PRKCH: variants seen among roughly 807,000 people sequenced by gnomAD.
PRKCH encodes protein kinase C eta type.
A neutral mutation model predicts 82.5 loss-of-function variants in PRKCH; 28 were observed. The ratio of observed to expected loss-of-function variants is 0.34; its 90% CI spans 0.25 to 0.47. The LOEUF (loss-of-function observed/expected upper bound fraction) is 0.47, where lower values mean the gene tolerates loss of function less well. Among genes scored for constraint, PRKCH ranks in the 20% least tolerant of loss-of-function variants. The pLI, the probability that PRKCH is intolerant of heterozygous loss-of-function variation, is 1.00. For missense variants in PRKCH, 705 were observed against 881.8 expected (o/e 0.80, Z 2.54); for synonymous variants, 322 against 327.4 (o/e 0.98, Z 0.18).
At chr14:61,234,971 T>G (rs2044775646) in intron 1 of PRKCH, among the ~76,000 whole-genome samples, 1 of 152,350 alleles carries the variant, frequency 6.6e-6, no homozygotes, top group African/African-American at 2.4e-5. Flanking sequence ...TGGAGGAATA[T>G]GTTTAGATTA....
chr14:61,233,464 G>A (rs972273468), intron 1 of PRKCH, among the ~76,000 whole-genome samples: 8 of 152,096 alleles, frequency 5.3e-5, no homozygotes, highest in Admixed American at 2.0e-4. Flanking sequence ...ACCCTTTAAG[G>A]ATCTGATAGA....
At chr14:61,479,379 G>A (rs770857282) in intron 9 of PRKCH, among the ~76,000 whole-genome samples, 5 of 152,320 alleles carry the variant, frequency 3.3e-5, no homozygotes, top group Admixed American at 2.0e-4. Context: ...GTGCACAGAT[G>A]CTGAGCGTTT....
intron 10 of PRKCH, among the ~76,000 whole-genome samples, chr14:61,486,519 T>C (rs985239219): frequency 6.6e-6 from 1 of 152,186 alleles, no homozygotes; most frequent in Non-Finnish European, 1.5e-5. Flanking sequence ...AAATGTAACT[T>C]TAGTCAGAGA....
At chr14:61,453,467 A>G in intron 7 of PRKCH, 114 bp downstream of exon 7, 1 of 1,107,682 alleles carries the variant, frequency 9.0e-7, no homozygotes, top group Non-Finnish European at 1.2e-6. Flanking sequence ...AATACAATAA[A>G]CAGACTTATT....
At chr14:61,445,206 A>G (rs998358207) in intron 3 of PRKCH, among the ~76,000 whole-genome samples, 3 of 152,142 alleles carry the variant, frequency 2.0e-5, no homozygotes, top group African/African-American at 4.8e-5. Flanking sequence ...TGTGGCAGCA[A>G]CTCTGCCCAC....
chr14:61,322,404 C>T lies in PRKCH; in HGVS notation c.303C>T (p.Cys101=). Residue 101 remains cysteine (C), a synonymous_variant, in exon 1 of 14, where the codon TGC becomes TGT. Transcript: ENST00000332981. ...GCTACGACCACTTCGTGGCCAACTG[C>T]ACCCTGCAGTTCCAGGAGCTGCTGC... ...PLGYDHFVAN[C]TLQFQELLRT... The T allele has an allele frequency of 6.2e-7, 1 of 1,609,740 alleles. No individual in the cohort carries two copies. The highest frequency in any genetic ancestry group is 8.5e-7 in the Non-Finnish European group (1 of 1,176,858).
intron 9 of PRKCH, among the ~76,000 whole-genome samples, chr14:61,465,018 T>G (rs1463194464): frequency 6.6e-6 from 1 of 152,222 alleles, no homozygotes; most frequent in East Asian, 1.9e-4. Context: ...GTTGGCCATT[T>G]GTATGTCTTC....
rs185399108 is a variant in PRKCH, at chr14:61,200,886, G to A, written c.-19+13218G>A. ...AGTAAATGTAGGATTCAATACTACCGGAGGTTTCGGGCATCCATTGAATGT... is the reference window on the plus strand; with the variant it reads ...AGTAAATGTAGGATTCAATACTACCAGAGGTTTCGGGCATCCATTGAATGT... On this transcript the variant is annotated intron_variant, in intron 1 of 3. Coordinates refer to the PRKCH transcript ENST00000555185. 6.4e-3 allele frequency among the ~76,000 whole-genome samples: 977 copies of A among 152,112 alleles called. 7 individuals are homozygous for A. The highest frequency in any genetic ancestry group is 0.011 in the Non-Finnish European group (777 of 67,974).
At chr14:61,457,470 G>A (rs1185904057) in intron 8 of PRKCH, 36 bp from the exon 9 acceptor site, 2 of 1,606,932 alleles carry the variant, frequency 1.2e-6, no homozygotes, top group South Asian at 1.1e-5. Context: ...CCCCCAAGAG[G>A]ACTCCCTCAT....
At chr14:61,327,902 G>A (rs1303862704) in intron 1 of PRKCH, among the ~76,000 whole-genome samples, 2 of 152,234 alleles carry the variant, frequency 1.3e-5, no homozygotes, top group Non-Finnish European at 2.9e-5. Flanking sequence ...GGAGTTACTG[G>A]ATGAACAGTA....
At chr14:61,516,972 G>A (rs980789485) in intron 10 of PRKCH, among the ~76,000 whole-genome samples, 1 of 152,158 alleles carries the variant, frequency 6.6e-6, no homozygotes, top group African/African-American at 2.4e-5. Context: ...AAGTGCAAGT[G>A]TCTTCTTGTG....
At chr14:61,206,428 T>C (rs937007693) in intron 1 of PRKCH, among the ~76,000 whole-genome samples, 3 of 152,216 alleles carry the variant, frequency 2.0e-5, no homozygotes, top group Non-Finnish European at 2.9e-5. Flanking sequence ...AAACCAATCA[T>C]TGGATTTGGG....
chr14:61,338,169 C>A (rs2045882649), intron 1 of PRKCH, among the ~76,000 whole-genome samples: 1 of 152,208 alleles, frequency 6.6e-6, no homozygotes. Flanking sequence ...TCTGCATGAA[C>A]ATTAGGGACC....
chr14:61,485,753 T>A, intron 10 of PRKCH, 97 bp downstream of exon 10: 2 of 1,392,400 alleles, frequency 1.4e-6, no homozygotes, highest in Non-Finnish European at 1.9e-6. Flanking sequence ...AGTTGAAACC[T>A]TTTTTGGAAT....
intron 1 of PRKCH, among the ~76,000 whole-genome samples, chr14:61,334,651 G>A (rs1344112394): frequency 6.6e-6 from 1 of 152,168 alleles, no homozygotes; most frequent in African/African-American, 2.4e-5. Context: ...GTGTCAGAAA[G>A]CTCGGGGCAT....
intron 1 of PRKCH, among the ~76,000 whole-genome samples, chr14:61,382,521 A>T (rs953304209): frequency 6.6e-6 from 1 of 152,082 alleles, no homozygotes; most frequent in Non-Finnish European, 1.5e-5. Context: ...ACCTGTTGGA[A>T]TTTTTTTTCT....
chr14:61,493,051 G>A (rs137988811), intron 10 of PRKCH, among the ~76,000 whole-genome samples: 70 of 152,364 alleles, frequency 4.6e-4, no homozygotes, highest in Non-Finnish European at 9.1e-4. Flanking sequence ...GGCATGGGAA[G>A]AGGGAAGGCT....
intron 9 of PRKCH, among the ~76,000 whole-genome samples, chr14:61,482,674 T>C (rs567300192): frequency 6.6e-6 from 1 of 152,258 alleles, no homozygotes; most frequent in Admixed American, 6.5e-5. Context: ...GAAATGAGAC[T>C]CTGAATGAAA....
chr14:61,277,146 G>A (rs1406269665), intron 1 of PRKCH, among the ~76,000 whole-genome samples: 2 of 152,070 alleles, frequency 1.3e-5, no homozygotes, highest in Non-Finnish European at 2.9e-5. Context: ...AGGTTGCAGT[G>A]AGCCAAGTTC....
Sources: gnomAD v4.1 joint callset for allele counts (sites outside exome capture counted in the v4.1 genomes callset) on GRCh38, gnomAD v4.1.1 for gene constraint, MANE v1.5 for transcripts, NCBI Gene and HGNC (gene_info 2026-07-23, HGNC 2026-07-21) for gene names.